Variants in TFRC observed in about 807,000 individuals in gnomAD.
The protein encoded by TFRC is transferrin receptor protein 1.
A neutral mutation model predicts 85.8 loss-of-function variants in TFRC; 35 were observed. That is an observed-to-expected ratio of 0.41 (90% CI 0.31 to 0.54). The LOEUF (loss-of-function observed/expected upper bound fraction) is 0.54. Ranked by LOEUF, TFRC falls within the 20% of genes least tolerant of loss-of-function variation. The pLI, the probability that TFRC is intolerant of heterozygous loss-of-function variation, is 0.31. For synonymous variants in TFRC, 362 were observed against 328.6 expected, an observed-to-expected ratio of 1.10 and a Z score of -1.10; for missense variants, 828 against 921.5, an observed-to-expected ratio of 0.90 and a Z score of 1.31.
chr3:196,054,387 A>G (rs1716598609), intron 17 of TFRC, among the ~76,000 whole-genome samples: 2 of 152,118 alleles, frequency 1.3e-5, no homozygotes, highest in African/African-American at 4.8e-5. Context: ...CCTGGGGGAC[A>G]AGAGCGAGAC....
Position 196,069,584 on chromosome 3 carries a change from T to C in TFRC, c.688-16A>G. ...CCAGTTTACCCTAGAACAAAGACAT[T>C]AGATTTAATGAGCATTATGGTATCG... On this transcript the variant is annotated splice_polypyrimidine_tract_variant and intron_variant, in intron 6 of 18. Coordinates refer to ENST00000360110, the MANE Select transcript of TFRC (RefSeq NM_001128148.3). 1 of 1,444,466 alleles carries C rather than the reference T, an allele frequency of 6.9e-7. No homozygotes were observed. The highest frequency in any genetic ancestry group is 9.7e-7 in the Non-Finnish European group (1 of 1,028,020). 89.5% of individuals were successfully genotyped at this position (1,444,466 alleles called of 1,614,324 possible). A position where few individuals can be genotyped will look rare whatever the true frequency, so the allele number is the denominator to read the frequency against.
At position 196,049,328 on chromosome 3, in the gene TFRC, C is replaced by T. The variant is rs1716101521; in HGVS notation, c.*2614G>A. ...TTAAATCAGACAAGGAATCTCCACACTGTTGCACATAACAGCTTTTATACA... is the reference window on the plus strand; with the variant it reads ...TTAAATCAGACAAGGAATCTCCACATTGTTGCACATAACAGCTTTTATACA... On this transcript the variant is annotated 3_prime_UTR_variant, in exon 19 of 19. Transcript: ENST00000360110. 1 of 188,378 alleles carries T rather than the reference C, an allele frequency of 5.3e-6. No homozygotes were observed. The highest frequency in any genetic ancestry group is 2.3e-5 in the African/African-American group (1 of 42,812). The allele number at this position is 188,378 out of a possible 1,614,324, so 11.7% of individuals were successfully genotyped here.
intron 1 of TFRC, among the ~76,000 whole-genome samples, chr3:196,078,814 G>T (rs919297529): frequency 6.7e-6 from 1 of 148,902 alleles, no homozygotes; most frequent in South Asian, 2.1e-4. Context: ...CGGTCTTGTT[G>T]CCTAGGCTGG....
At chr3:196,065,414 G>GGGT (rs1717636723) in intron 10 of TFRC, 29 bp downstream of exon 10, 2 of 769,174 alleles carry the variant, frequency 2.6e-6, no homozygotes, top group African/African-American at 3.1e-5. Flanking sequence ...AAAAAAAGCG[G>GGGT]GGCGGGGGGG....
At position 196,071,988 on chromosome 3, in the gene TFRC, C is replaced by T; in HGVS notation, c.584+15G>A. 6.2e-7 allele frequency: 1 copy of T among 1,602,254 alleles called. No individual in the cohort carries two copies. The highest frequency in any genetic ancestry group is 2.2e-5 in the East Asian group (1 of 44,714). ...GCTACTTGTATAAAAATAAGTTTAC[C>T]ATCTTTCAACATACCTGTCTTTGAC... On this transcript the variant is annotated intron_variant, in intron 5 of 18. Coordinates refer to ENST00000360110, the MANE Select transcript of TFRC (RefSeq NM_001128148.3).
Position 196,065,588 on chromosome 3 carries a change from T to TCC in TFRC, c.1051_1052dup (p.Asp352GlufsTer16). On this transcript the variant is annotated frameshift_variant, in exon 10 of 19. Transcript: ENST00000360110. LOFTEE classifies it high-confidence loss of function. ...CTGTTTTCCAGTCAGAGGGACAGTCTCCTTCCATATTCCTAGAATCAGAAA... is the reference window on the plus strand; with the variant it reads ...CTGTTTTCCAGTCAGAGGGACAGTCTCCCCTTCCATATTCCTAGAATCAGAAA... 6.2e-7 allele frequency: 1 copy of TCC among 1,602,924 alleles called. No homozygotes were observed. The highest frequency in any genetic ancestry group is 1.3e-5 in the African/African-American group (1 of 74,254).
intron 15 of TFRC, 57 bp downstream of exon 15, chr3:196,058,517 T>C: frequency 2.0e-6 from 3 of 1,474,326 alleles, no homozygotes; most frequent in South Asian, 1.2e-5. Context: ...CTACCTAATG[T>C]AGTAGGTAGA....
intron 13 of TFRC, among the ~76,000 whole-genome samples, chr3:196,060,797 CAAAAAAAAAA>C (rs1173946134): frequency 6.2e-4 from 23 of 36,940 alleles, no homozygotes; most frequent in South Asian, 1.6e-3. Context: ...GACTCCATCT[CAAAAAAAAAA>C]AAAAAAAAAA....
rs1259882876 is a variant in TFRC, at chr3:196,062,583, A to G, written c.1467T>C (p.Leu489=). Residue 489 remains leucine (L), a splice_region_variant and synonymous_variant, in exon 13 of 19, where the codon CTT becomes CTC. Coordinates refer to ENST00000360110, the MANE Select transcript of TFRC (RefSeq NM_001128148.3). ...ACAGCTAATGAAAGGGATACTTACCAAGAACCGCTTTATCCAGATTAATAT... is the reference window on the plus strand; with the variant it reads ...ACAGCTAATGAAAGGGATACTTACCGAGAACCGCTTTATCCAGATTAATAT... ...FTYINLDKAV[L]GTSNFKVSAS... is the part of the protein sequence containing the mutation. 1.9e-6 allele frequency: 3 copies of G among 1,607,218 alleles called. No individual in the cohort carries two copies. The African/African-American group carries it at 4.0e-5, about 22-fold the overall frequency.
chr3:196,076,324 T>TA (rs952908812), intron 2 of TFRC, among the ~76,000 whole-genome samples: 1 of 151,930 alleles, frequency 6.6e-6, no homozygotes, highest in African/African-American at 2.4e-5. Context: ...ATTTTTTTTT[T>TA]AATAGAGATG....
chr3:196,078,415 T>C (rs1399633100), intron 1 of TFRC, among the ~76,000 whole-genome samples: 1 of 152,066 alleles, frequency 6.6e-6, no homozygotes, highest in Non-Finnish European at 1.5e-5. Flanking sequence ...TCCCAACACT[T>C]TGGGAGGCCG....
Position 196,064,305 on chromosome 3 carries a change from C to G in TFRC, c.1318+4G>C. On this transcript the variant is annotated splice_donor_region_variant and intron_variant, in intron 11 of 18. Transcript: ENST00000360110. ...ATTCAAAAGAATCAAAATTTGTACTCTACCTTTTAAGACCATATCTGAGAA... is the reference window on the plus strand; with the variant it reads ...ATTCAAAAGAATCAAAATTTGTACTGTACCTTTTAAGACCATATCTGAGAA... 1 of 1,606,056 alleles carries G rather than the reference C, an allele frequency of 6.2e-7. No individual in the cohort carries two copies.
chr3:196,075,070 G>T, intron 3 of TFRC, 89 bp downstream of exon 3: 16 of 764,804 alleles, frequency 2.1e-5, no homozygotes, highest in Non-Finnish European at 3.0e-5. Flanking sequence ...AAAAAAATAA[G>T]GTACAAAATA....
At chr3:196,055,003 G>C in intron 17 of TFRC, 77 bp downstream of exon 17, 1 of 1,371,766 alleles carries the variant, frequency 7.3e-7, no homozygotes, top group Non-Finnish European at 1.0e-6. Context: ...CTTCCAACAG[G>C]AACACACAGG....
intron 4 of TFRC, among the ~76,000 whole-genome samples, chr3:196,073,290 TAAA>T (rs35883754): frequency 3.0e-5 from 4 of 135,448 alleles, no homozygotes; most frequent in African/African-American, 2.8e-5. Flanking sequence ...CTCCATCTCT[TAAA>T]AAAAAAAAAA....
chr3:196,070,390 A>G (rs1718088867), intron 6 of TFRC, among the ~76,000 whole-genome samples: 1 of 151,106 alleles, frequency 6.6e-6, no homozygotes, highest in Non-Finnish European at 1.5e-5. Context: ...CCAGCCTCCC[A>G]AGTAGCTGGG....
intron 12 of TFRC, 61 bp from the exon 13 acceptor site, chr3:196,062,706 A>G: frequency 6.4e-7 from 1 of 1,559,740 alleles, no homozygotes; most frequent in Non-Finnish European, 8.8e-7. Context: ...ATACAGTAGC[A>G]TTAGGGATTC....
At chr3:196,058,836 G>T in intron 14 of TFRC, 1 of 336,030 alleles carries the variant, frequency 3.0e-6, no homozygotes. Flanking sequence ...TTTAGTTATG[G>T]TGAGGAAAAA....
chr3:196,052,876 G>A (rs944487004), intron 18 of TFRC, among the ~76,000 whole-genome samples: 2 of 151,934 alleles, frequency 1.3e-5, no homozygotes, highest in Non-Finnish European at 2.9e-5. Flanking sequence ...ACTTTGGGAG[G>A]CCAAGGCAGG....
Sources: allele counts gnomAD v4.1 joint callset (sites outside exome capture counted in the v4.1 genomes callset), GRCh38; gene constraint gnomAD v4.1.1; transcripts MANE v1.5; gene names NCBI Gene and HGNC (gene_info 2026-07-23, HGNC 2026-07-21).